The following BCKDHB variants were observed in gnomAD, a reference collection of about 807,000 sequenced individuals.
The protein encoded by BCKDHB is branched chain keto acid dehydrogenase E1 subunit beta, also known as 2-oxoisovalerate dehydrogenase subunit beta, mitochondrial.
In BCKDHB, 41 loss-of-function variants were observed where a neutral mutation model predicts 48.5. That is an observed-to-expected ratio of 0.85 (90% CI 0.66 to 1.10). The LOEUF (loss-of-function observed/expected upper bound fraction) is 1.10. Among genes scored for constraint, BCKDHB ranks in the 50% least tolerant of loss-of-function variants. The pLI is 0.00. For missense variants in BCKDHB, 496 were observed against 494.2 expected (o/e 1.00, Z -0.03); for synonymous variants, 201 against 174.8 (o/e 1.15, Z -1.18).
At chr6:80,369,281 T>TA in the BCKDHB span, among the ~76,000 whole-genome samples, 1 of 152,220 alleles carries the variant, frequency 6.6e-6, no homozygotes, top group African/African-American at 2.4e-5. Context: ...TGATGAACTT[T>TA]AATTATAGTG....
chr6:80,327,605 AG>A lies in BCKDHB; in HGVS notation c.1039-16057del, dbSNP rs543312050. Among the ~76,000 whole-genome samples the A allele has an allele frequency of 1.2e-3, 176 of 152,268 alleles. No individual in the cohort carries two copies. In the Middle Eastern group the frequency reaches 0.014, roughly 12 times the overall value. Reference sequence around the variant, plus strand: ...CATGAAAGAGTTCGTCCAACTTTTTAGGTTTTTATTACAAAATAAATAGTGT... The same window carrying A: ...CATGAAAGAGTTCGTCCAACTTTTTAGTTTTTATTACAAAATAAATAGTGT... On this transcript the variant is annotated intron_variant, in intron 9 of 9. Coordinates refer to ENST00000320393, the MANE Select transcript of BCKDHB (RefSeq NM_183050.4).
intron 6 of BCKDHB, among the ~76,000 whole-genome samples, chr6:80,191,232 T>C (rs940623263): frequency 1.3e-5 from 2 of 152,186 alleles, no homozygotes; most frequent in Non-Finnish European, 2.9e-5. Flanking sequence ...AGATATGCAA[T>C]AAGGAATTTT....
At chr6:80,241,385 G>GT (rs899629074) in intron 8 of BCKDHB, among the ~76,000 whole-genome samples, 1 of 152,264 alleles carries the variant, frequency 6.6e-6, no homozygotes, top group African/African-American at 2.4e-5. Context: ...CATCTTTGTG[G>GT]TTTTATCTAC....
At chr6:80,136,984 T>C (rs535203323) in intron 3 of BCKDHB, among the ~76,000 whole-genome samples, 2 of 152,212 alleles carry the variant, frequency 1.3e-5, no homozygotes, top group Admixed American at 1.3e-4. Flanking sequence ...GAGGATGAAA[T>C]TGGAATCATT....
chr6:80,364,618 C>T, the BCKDHB span, among the ~76,000 whole-genome samples: 2 of 152,172 alleles, frequency 1.3e-5, no homozygotes, highest in African/African-American at 2.4e-5. Context: ...TAGACACTGA[C>T]ACCAAAGAGT....
intron 8 of BCKDHB, among the ~76,000 whole-genome samples, chr6:80,217,272 C>T (rs1775216794): frequency 6.6e-6 from 1 of 151,946 alleles, no homozygotes; most frequent in African/African-American, 2.4e-5. Flanking sequence ...CAAAACAAAA[C>T]TGGGGCTACT....
chr6:80,177,089 T>C (rs1413163920), intron 6 of BCKDHB, among the ~76,000 whole-genome samples: 1 of 150,998 alleles, frequency 6.6e-6, no homozygotes, highest in Non-Finnish European at 1.5e-5. Context: ...TAGCCAGGTG[T>C]CATGGCATGC....
chr6:80,255,629 A>T (rs778363997), intron 8 of BCKDHB, among the ~76,000 whole-genome samples: 1 of 152,162 alleles, frequency 6.6e-6, no homozygotes, highest in Non-Finnish European at 1.5e-5. Context: ...TGTTATAGGG[A>T]TCATACAACC....
chr6:80,446,144 A>T, the BCKDHB span, among the ~76,000 whole-genome samples: 3 of 152,212 alleles, frequency 2.0e-5, no homozygotes, highest in African/African-American at 7.2e-5. Flanking sequence ...AGGAGTGAAA[A>T]TAATTTCCGG....
chr6:80,324,079 A>AT (rs1440688926), intron 9 of BCKDHB, among the ~76,000 whole-genome samples: 1 of 152,002 alleles, frequency 6.6e-6, no homozygotes, highest in African/African-American at 2.4e-5. Context: ...GCCCAAAATT[A>AT]TTTTTTATAT....
intron 9 of BCKDHB, among the ~76,000 whole-genome samples, chr6:80,317,982 C>A (rs969534184): frequency 6.6e-6 from 1 of 152,170 alleles, no homozygotes; most frequent in Non-Finnish European, 1.5e-5. Context: ...CTCCTGTGGT[C>A]CTCAGTCTGC....
the BCKDHB span, among the ~76,000 whole-genome samples, chr6:80,418,950 G>T: frequency 2.0e-5 from 3 of 152,206 alleles, no homozygotes; most frequent in Non-Finnish European, 2.9e-5. Context: ...GCACTGGCAG[G>T]TGCAGGTCCG....
intron 9 of BCKDHB, among the ~76,000 whole-genome samples, chr6:80,305,936 C>T (rs1190658627): frequency 6.6e-6 from 1 of 152,190 alleles, no homozygotes; most frequent in Admixed American, 6.5e-5. Context: ...TAGAGCCAGC[C>T]TGCCTGAATT....
At chr6:80,232,609 T>A (rs1361848931) in intron 8 of BCKDHB, among the ~76,000 whole-genome samples, 1 of 150,104 alleles carries the variant, frequency 6.7e-6, no homozygotes, top group Non-Finnish European at 1.5e-5. Flanking sequence ...ATATACTACA[T>A]GTATTAAATT....
chr6:80,275,097 A>C (rs1777914966), intron 9 of BCKDHB, among the ~76,000 whole-genome samples: 1 of 152,014 alleles, frequency 6.6e-6, no homozygotes, highest in Non-Finnish European at 1.5e-5. Flanking sequence ...AAAACAAAGC[A>C]TCTTGTAGCA....
At chr6:80,359,326 C>A in the BCKDHB span, among the ~76,000 whole-genome samples, 1 of 152,098 alleles carries the variant, frequency 6.6e-6, no homozygotes, top group East Asian at 1.9e-4. Context: ...CTGTGTGCCA[C>A]GCCAAAAACC....
the BCKDHB span, among the ~76,000 whole-genome samples, chr6:80,369,649 C>T: frequency 7.9e-5 from 12 of 152,126 alleles, no homozygotes; most frequent in Admixed American, 2.6e-4. Context: ...CTGCCTGCAA[C>T]GCCAAGGTAG....
chr6:80,380,737 G>GA, the BCKDHB span, among the ~76,000 whole-genome samples: 78 of 149,424 alleles, frequency 5.2e-4, no homozygotes, highest in Admixed American at 1.0e-3. Context: ...AAGTAAACAA[G>GA]AAAAAACAAA....
At chr6:80,111,266 A>C (rs1042111888) in intron 1 of BCKDHB, among the ~76,000 whole-genome samples, 11 of 152,156 alleles carry the variant, frequency 7.2e-5, no homozygotes, top group Non-Finnish European at 5.9e-5. Flanking sequence ...GTCCAGAGTT[A>C]CCTGGGGGCT....
Sources: gnomAD v4.1 joint callset for allele counts (sites outside exome capture counted in the v4.1 genomes callset) on GRCh38, gnomAD v4.1.1 for gene constraint, MANE v1.5 for transcripts, NCBI Gene and HGNC (gene_info 2026-07-23, HGNC 2026-07-21) for gene names.